CDH20: variants seen among roughly 807,000 people sequenced by gnomAD.
CDH20 encodes the protein cadherin-20.
A neutral mutation model predicts 74.2 loss-of-function variants in CDH20; 29 were observed. That is an observed-to-expected ratio of 0.39 (90% CI 0.29 to 0.53). The LOEUF is 0.53. CDH20 is among the 20% of genes least tolerant of loss of function. The pLI is 0.69. For missense variants in CDH20, 988 were observed against 1,048.3 expected (o/e 0.94, Z 0.79); for synonymous variants, 469 against 405.4 (o/e 1.16, Z -1.88).
chr18:61,507,717 T>TA (rs1911625786), intron 6 of CDH20, among the ~76,000 whole-genome samples, 157 bp downstream of exon 6: 1 of 151,860 alleles, frequency 6.6e-6, no homozygotes, highest in Non-Finnish European at 1.5e-5. Flanking sequence ...GAAAACCTCT[T>TA]AACCCTTATG....
chr18:61,396,385 G>A (rs111807274), intron 1 of CDH20, among the ~76,000 whole-genome samples: 288 of 151,896 alleles, frequency 1.9e-3, no homozygotes, highest in African/African-American at 6.3e-3. Context: ...AACCTCTGTG[G>A]GTACCTTCAC....
intron 1 of CDH20, among the ~76,000 whole-genome samples, chr18:61,486,401 T>G (rs569685072): frequency 1.3e-5 from 2 of 152,330 alleles, no homozygotes; most frequent in South Asian, 4.2e-4. Context: ...CACGAACAAC[T>G]TTTTACTCCA....
intron 1 of CDH20, among the ~76,000 whole-genome samples, chr18:61,372,657 C>T (rs1911083010): frequency 6.6e-6 from 1 of 152,040 alleles, no homozygotes; most frequent in African/African-American, 2.4e-5. Flanking sequence ...ATTAAAAATT[C>T]TATAAAATTC....
At chr18:61,452,898 A>G (rs1181283443) in intron 1 of CDH20, among the ~76,000 whole-genome samples, 1 of 152,174 alleles carries the variant, frequency 6.6e-6, no homozygotes, top group Non-Finnish European at 1.5e-5. Context: ...AAATTCAAAC[A>G]AAAGTATTTT....
intron 6 of CDH20, among the ~76,000 whole-genome samples, chr18:61,526,097 C>CACT (rs1912394927): frequency 6.7e-6 from 1 of 148,886 alleles, no homozygotes. Flanking sequence ...AGGCATGAAC[C>CACT]ACTGCTCCTG....
chr18:61,389,580 G>A (rs1347298037), intron 1 of CDH20, among the ~76,000 whole-genome samples: 1 of 152,116 alleles, frequency 6.6e-6, no homozygotes, highest in African/African-American at 2.4e-5. Context: ...ACTGCTTTCA[G>A]CCCCATAAAA....
At chr18:61,553,273 A>AC (rs1913498432) in intron 11 of CDH20, among the ~76,000 whole-genome samples, 1 of 151,936 alleles carries the variant, frequency 6.6e-6, no homozygotes, top group African/African-American at 2.4e-5. Flanking sequence ...GAAAAAAAAA[A>AC]AATCAATAGC....
intron 1 of CDH20, among the ~76,000 whole-genome samples, chr18:61,386,548 G>T (rs550407319): frequency 6.6e-6 from 1 of 152,212 alleles, no homozygotes; most frequent in East Asian, 1.9e-4. Flanking sequence ...ACACCCTTTG[G>T]TGTAATAATT....
intron 6 of CDH20, among the ~76,000 whole-genome samples, chr18:61,509,630 G>T (rs1409746029): frequency 6.6e-6 from 1 of 152,216 alleles, no homozygotes; most frequent in Admixed American, 6.5e-5. Context: ...TCTGAGTAAA[G>T]TGGGAAATGA....
intron 1 of CDH20, among the ~76,000 whole-genome samples, chr18:61,403,454 T>A (rs1912222410): frequency 6.6e-6 from 1 of 152,234 alleles, no homozygotes; most frequent in South Asian, 2.1e-4. Flanking sequence ...AACACCTAGA[T>A]GTAGCACTTC....
At chr18:61,427,303 C>T (rs1249871532) in intron 1 of CDH20, among the ~76,000 whole-genome samples, 1 of 152,134 alleles carries the variant, frequency 6.6e-6, no homozygotes, top group Non-Finnish European at 1.5e-5. Context: ...CATGACAACC[C>T]AGTGAAGTAC....
At chr18:61,547,741 G>C (rs530373698) in intron 10 of CDH20, among the ~76,000 whole-genome samples, 9 of 150,280 alleles carry the variant, frequency 6.0e-5, no homozygotes, top group African/African-American at 2.2e-4. Flanking sequence ...CACACACACA[G>C]TGTTCTGTGT....
chr18:61,470,258 C>G (rs1174211449), intron 1 of CDH20, among the ~76,000 whole-genome samples: 1 of 152,188 alleles, frequency 6.6e-6, no homozygotes, highest in Non-Finnish European at 1.5e-5. Flanking sequence ...TGTACACAAC[C>G]TATCCCGTGA....
chr18:61,555,016 G>A lies in CDH20; in HGVS notation c.*321G>A. The A allele has an allele frequency of 4.3e-6, 5 of 1,168,398 alleles. No homozygotes were observed. Among genetic ancestry groups the A allele is most frequent in the Non-Finnish European group, 5.3e-6 (5 of 943,850 alleles). The allele number at this position is 1,168,398 out of a possible 1,614,324, so 72.4% of individuals were successfully genotyped here. On this transcript the variant is annotated 3_prime_UTR_variant, in exon 12 of 12. Transcript: ENST00000262717. The stretch of plus-strand genomic sequence containing the variant: ...TTCTCTGCCATTCGCTAAGGCCTTT[G>A]TCACTTTTCCACCACAGAAAGGCTC...
At chr18:61,348,005 G>A (rs1318190771) in intron 1 of CDH20, among the ~76,000 whole-genome samples, 1 of 152,086 alleles carries the variant, frequency 6.6e-6, no homozygotes, top group African/African-American at 2.4e-5. Context: ...TGAGCCTATA[G>A]AACCTTACCT....
rs116599257 is a variant in CDH20, at chr18:61,400,827, G to C, written c.-153+67000G>C. 2.8e-3 allele frequency among the ~76,000 whole-genome samples: 429 copies of C among 152,254 alleles called. 2 individuals are homozygous for C. The highest frequency in any genetic ancestry group is 9.9e-3 in the African/African-American group (410 of 41,558). ...ATTCAGAACCAAAGAATGAGCTCTG[G>C]TCAGTCTTTGGTGTCCCAATAGTAT... On this transcript the variant is annotated intron_variant, in intron 1 of 11. Transcript: ENST00000262717.
intron 10 of CDH20, among the ~76,000 whole-genome samples, chr18:61,549,242 T>C (rs1913351784): frequency 6.6e-6 from 1 of 152,208 alleles, no homozygotes; most frequent in Admixed American, 6.5e-5. Context: ...CATCCCAACT[T>C]TGTAGAAAAT....
intron 1 of CDH20, among the ~76,000 whole-genome samples, chr18:61,391,083 T>A (rs1911766183): frequency 2.0e-5 from 3 of 152,212 alleles, no homozygotes; most frequent in African/African-American, 7.2e-5. Context: ...ACACTTTTGC[T>A]ATGTACATAT....
chr18:61,411,656 C>CACAT (rs201257547), intron 1 of CDH20, among the ~76,000 whole-genome samples: 26 of 151,432 alleles, frequency 1.7e-4, no homozygotes, highest in African/African-American at 6.1e-4. Flanking sequence ...CACACACACA[C>CACAT]GCTATGGAAC....
Sources: allele counts gnomAD v4.1 joint callset (sites outside exome capture counted in the v4.1 genomes callset), GRCh38; gene constraint gnomAD v4.1.1; transcripts MANE v1.5; gene names NCBI Gene and HGNC (gene_info 2026-07-23, HGNC 2026-07-21).